The following RTTN variants were observed in gnomAD, a reference collection of about 807,000 sequenced individuals.
RTTN encodes the protein rotatin.
In RTTN, 182 loss-of-function variants were observed where a neutral mutation model predicts 269.2. The observed-to-expected ratio is 0.68, with a 90% CI of 0.60 to 0.76. The LOEUF is 0.76. Among genes scored for constraint, RTTN ranks in the 30% least tolerant of loss-of-function variants. The pLI is 0.00. For missense variants in RTTN, 2,545 were observed against 2,608.6 expected (o/e 0.98, Z 0.53); for synonymous variants, 1,006 against 963.5 (o/e 1.04, Z -0.82).
At chr18:70,117,564 C>T (rs2059632308) in intron 26 of RTTN, among the ~76,000 whole-genome samples, 1 of 151,836 alleles carries the variant, frequency 6.6e-6, no homozygotes, top group South Asian at 2.1e-4. Flanking sequence ...CCATACAAAA[C>T]CAAATAAGTA....
intron 16 of RTTN, 84 bp from the exon 17 acceptor site, chr18:70,149,121 A>G: frequency 8.7e-7 from 1 of 1,155,260 alleles, no homozygotes; most frequent in Middle Eastern, 2.3e-4. Flanking sequence ...GTATTGTCCT[A>G]TCAGCAACTC....
At chr18:70,066,688 T>C (rs1455115533) in intron 34 of RTTN, among the ~76,000 whole-genome samples, 1 of 152,200 alleles carries the variant, frequency 6.6e-6, no homozygotes, top group Non-Finnish European at 1.5e-5. Context: ...TATCAGTACA[T>C]GCAACACAAC....
intron 28 of RTTN, among the ~76,000 whole-genome samples, chr18:70,106,101 A>C (rs944650995): frequency 6.6e-5 from 10 of 152,222 alleles, no homozygotes; most frequent in Non-Finnish European, 1.0e-4. Context: ...TAATAGCAGC[A>C]CTTTGGTAGG....
At position 70,059,959 on chromosome 18, in the gene RTTN, G is replaced by C. The variant is rs1260176042; in HGVS notation, c.4831C>G (p.Pro1611Ala). The C allele has an allele frequency of 6.2e-7, 1 of 1,614,038 alleles. No homozygotes were observed. Among genetic ancestry groups the C allele is most frequent in the East Asian group, 2.2e-5 (1 of 44,884 alleles). Reference protein sequence around the residue: ...PLPKLCVFVTPSLLSAMCSLL... With the variant: ...PLPKLCVFVTASLLSAMCSLL... ...CTGCACATTGCTGAAAGAAGAGATG[G>C]AGTAACAAAAACACACAGTTTGGGC... is the stretch of plus-strand genomic sequence containing the variant. The change falls in exon 36 of 49, where the codon CCA (proline) becomes GCA (alanine). Residue 1611 changes from proline to alanine, a missense_variant. Physicochemically the swap from Pro to Ala is conservative, Grantham distance 27. Transcript: ENST00000640769.
intron 28 of RTTN, among the ~76,000 whole-genome samples, chr18:70,107,691 C>A (rs1002826732): frequency 6.6e-6 from 1 of 151,978 alleles, no homozygotes; most frequent in Non-Finnish European, 1.5e-5. Context: ...TAAATATTGG[C>A]AGAAATAAAA....
At chr18:70,085,118 T>C (rs138500347) in intron 32 of RTTN, among the ~76,000 whole-genome samples, 14 of 152,316 alleles carry the variant, frequency 9.2e-5, no homozygotes, top group African/African-American at 2.9e-4. Flanking sequence ...AGATTATTTG[T>C]ATTTGAGCCA....
rs148367960 is a variant in RTTN at position 70,090,291 on chromosome 18, CTA to C, written c.4143+1817_4143+1818del. Among the ~76,000 whole-genome samples the C allele has an allele frequency of 2.8e-3, 428 of 152,266 alleles. 5 individuals are homozygous for C. Among genetic ancestry groups the C allele is most frequent in the African/African-American group, 9.8e-3 (406 of 41,534 alleles). ...CAGATAGTGCTGAGCCCTATAACTA[CTA>C]TGTTTTCTCCTACACATACATATCT... On this transcript the variant is annotated intron_variant, in intron 30 of 48. Transcript: ENST00000640769.
At chr18:70,054,314 A>G in intron 37 of RTTN, 30 bp from the exon 38 acceptor site, 1 of 1,570,484 alleles carries the variant, frequency 6.4e-7, no homozygotes, top group Non-Finnish European at 8.6e-7. Flanking sequence ...GGTCAAATCA[A>G]ACATGCCATA....
chr18:70,192,669 C>CAAAA (rs11313917), intron 8 of RTTN, among the ~76,000 whole-genome samples: 5 of 89,880 alleles, frequency 5.6e-5, no homozygotes, highest in African/African-American at 1.3e-4. Flanking sequence ...GACCTTGTCT[C>CAAAA]AAAAAAAAAA....
chr18:70,094,681 G>T (rs1341802282), intron 28 of RTTN, among the ~76,000 whole-genome samples: 1 of 152,086 alleles, frequency 6.6e-6, no homozygotes, highest in African/African-American at 2.4e-5. Flanking sequence ...TTTTGAGTTT[G>T]CTGAGGAGTG....
chr18:70,073,898 G>T lies in RTTN; in HGVS notation c.4653+8C>A. The T allele has an allele frequency of 2.5e-6, 4 of 1,598,388 alleles. No individual in the cohort carries two copies. The highest frequency in any genetic ancestry group is 3.4e-6 in the Non-Finnish European group (4 of 1,166,676). ...AAAATAAAGGACTTATGCATTCTTT[G>T]CAAGTACCGTTGTTTCTGAGGTGGA... On this transcript the variant is annotated splice_region_variant and intron_variant, in intron 34 of 48. Coordinates refer to ENST00000640769, the MANE Select transcript of RTTN (RefSeq NM_173630.4).
intron 28 of RTTN, among the ~76,000 whole-genome samples, chr18:70,093,705 AG>A (rs1215759152): frequency 1.1e-3 from 172 of 152,292 alleles, no homozygotes; most frequent in African/African-American, 3.9e-3. Flanking sequence ...TCGGTTTGCC[AG>A]TCTTTTATTG....
At chr18:70,139,924 AG>A in intron 20 of RTTN, 175 bp downstream of exon 20, 1 of 625,848 alleles carries the variant, frequency 1.6e-6, no homozygotes, top group Non-Finnish European at 2.8e-6. Flanking sequence ...TTTTAGGATT[AG>A]TTTTCCTTTA....
At chr18:70,095,143 C>A (rs2058966838) in intron 28 of RTTN, among the ~76,000 whole-genome samples, 1 of 144,120 alleles carries the variant, frequency 6.9e-6, no homozygotes, top group Admixed American at 6.9e-5. Context: ...TTTTTCTTTC[C>A]ATTTGCTTGG....
intron 28 of RTTN, among the ~76,000 whole-genome samples, chr18:70,102,767 A>G (rs283769): frequency 0.95 from 144,585 of 152,298 alleles, 68,739 homozygotes; most frequent in East Asian, 1. Flanking sequence ...GGCAGGCCTG[A>G]TGGTGACAAA....
At chr18:70,063,797 C>A (rs1167707651) in intron 35 of RTTN, among the ~76,000 whole-genome samples, 1 of 151,586 alleles carries the variant, frequency 6.6e-6, no homozygotes, top group African/African-American at 2.4e-5. Context: ...AATTTTCTTG[C>A]TAATTTATTT....
At chr18:70,187,450 G>T (rs1204108500) in intron 10 of RTTN, among the ~76,000 whole-genome samples, 1 of 152,118 alleles carries the variant, frequency 6.6e-6, no homozygotes, top group Non-Finnish European at 1.5e-5. Flanking sequence ...AAGGTAACTG[G>T]ATGGGAGAGA....
chr18:70,141,087 C>A (rs946319697), intron 19 of RTTN, among the ~76,000 whole-genome samples: 2 of 151,992 alleles, frequency 1.3e-5, no homozygotes, highest in South Asian at 4.2e-4. Flanking sequence ...ACGAGTTTTT[C>A]TTGATCTTTT....
intron 33 of RTTN, 185 bp downstream of exon 33, chr18:70,075,167 C>A: frequency 1.3e-5 from 6 of 450,190 alleles, no homozygotes; most frequent in Non-Finnish European, 1.2e-5. Context: ...TTACATAAAA[C>A]AAACAAAGGC....
Sources: allele counts gnomAD v4.1 joint callset (sites outside exome capture counted in the v4.1 genomes callset), GRCh38; gene constraint gnomAD v4.1.1; transcripts MANE v1.5; gene names NCBI Gene and HGNC (gene_info 2026-07-23, HGNC 2026-07-21).